Variants in LRMDA observed in about 807,000 individuals in gnomAD.
LRMDA encodes leucine-rich melanocyte differentiation-associated protein.
Under a neutral mutation model 29.8 loss-of-function variants are expected in LRMDA, and 18 were observed. The observed-to-expected ratio is 0.60, with a 90% CI of 0.42 to 0.90. The LOEUF is 0.90. Ranked by LOEUF, LRMDA falls within the 40% of genes least tolerant of loss-of-function variation. LRMDA has a pLI of 0.00. For missense variants in LRMDA, 273 were observed against 273.9 expected (o/e 1.00, Z 0.02); for synonymous variants, 125 against 109.4 (o/e 1.14, Z -0.89).
At chr10:76,088,954 A>G (rs1849185260) in intron 5 of LRMDA, among the ~76,000 whole-genome samples, 1 of 152,166 alleles carries the variant, frequency 6.6e-6, no homozygotes, top group Non-Finnish European at 1.5e-5. Flanking sequence ...TGAGTATGAC[A>G]ATTCTGTCCG....
chr10:75,898,944 C>T (rs1056620783), intron 2 of LRMDA, among the ~76,000 whole-genome samples: 12 of 152,068 alleles, frequency 7.9e-5, no homozygotes, highest in East Asian at 3.9e-4. Context: ...TTGAAAATGA[C>T]GACATTTCAG....
chr10:75,440,023 G>C (rs1844310020), intron 2 of LRMDA, among the ~76,000 whole-genome samples: 1 of 151,564 alleles, frequency 6.6e-6, no homozygotes, highest in African/African-American at 2.4e-5. Context: ...GCTGGACCCC[G>C]TGAGGGAGCA....
intron 5 of LRMDA, among the ~76,000 whole-genome samples, chr10:76,134,706 G>T (rs1353646660): frequency 6.6e-6 from 1 of 152,100 alleles, no homozygotes; most frequent in Non-Finnish European, 1.5e-5. Flanking sequence ...TGACCCAACA[G>T]ATTCCTTAGT....
intron 5 of LRMDA, among the ~76,000 whole-genome samples, chr10:76,112,501 C>T (rs1176561288): frequency 6.6e-6 from 1 of 152,198 alleles, no homozygotes; most frequent in Non-Finnish European, 1.5e-5. Flanking sequence ...GGGAGGGGGG[C>T]GCTTCCACGC....
intron 5 of LRMDA, among the ~76,000 whole-genome samples, chr10:76,121,716 C>G (rs926469015): frequency 2.0e-5 from 3 of 152,202 alleles, no homozygotes; most frequent in African/African-American, 7.2e-5. Flanking sequence ...TAGATTCAGT[C>G]CTCCTCCATG....
At chr10:76,416,133 G>T (rs1842011918) in intron 6 of LRMDA, among the ~76,000 whole-genome samples, 1 of 152,130 alleles carries the variant, frequency 6.6e-6, no homozygotes, top group Non-Finnish European at 1.5e-5. Flanking sequence ...CCAAATCGTG[G>T]CAGAACCTGA....
intron 5 of LRMDA, among the ~76,000 whole-genome samples, chr10:76,243,810 GC>G (rs1202084463): frequency 1.3e-5 from 2 of 152,064 alleles, no homozygotes; most frequent in African/African-American, 2.4e-5. Flanking sequence ...TTGAGTGGTA[GC>G]CCCCCCAAAA....
At chr10:75,666,322 A>G (rs1025221869) in intron 2 of LRMDA, among the ~76,000 whole-genome samples, 32 of 152,232 alleles carry the variant, frequency 2.1e-4, no homozygotes, top group African/African-American at 7.2e-4. Flanking sequence ...CTTAGTGTCA[A>G]GTCACTAACT....
At chr10:76,434,616 T>C (rs1372908450) in intron 6 of LRMDA, among the ~76,000 whole-genome samples, 2 of 152,168 alleles carry the variant, frequency 1.3e-5, no homozygotes, top group Non-Finnish European at 2.9e-5. Flanking sequence ...TGTCCATCCA[T>C]CCATTCATTC....
rs3998122 is a variant in LRMDA at position 76,353,330 on chromosome 10, TTGTG to T, written c.601+28874_601+28877del. Among the ~76,000 whole-genome samples the T allele has an allele frequency of 1.7e-4, 25 of 146,268 alleles. No individual in the cohort carries two copies. The East Asian group carries it at 2.1e-3, about 12-fold the overall frequency. On this transcript the variant is annotated intron_variant, in intron 6 of 6. Coordinates refer to ENST00000611255, the MANE Select transcript of LRMDA (RefSeq NM_001305581.2). ...ATTTGCAATTCTCTGAGCTGTGGAG[TTGTG>T]TGTGTGTGTGTGTGTGTGTGTGTGT... is the stretch of plus-strand genomic sequence containing the variant.
At chr10:76,203,390 C>T (rs964861642) in intron 5 of LRMDA, among the ~76,000 whole-genome samples, 1 of 152,210 alleles carries the variant, frequency 6.6e-6, no homozygotes, top group African/African-American at 2.4e-5. Flanking sequence ...GATCCTCCTG[C>T]CTTGGTCTCC....
At chr10:75,740,467 G>A (rs776918237) in intron 2 of LRMDA, among the ~76,000 whole-genome samples, 52 of 152,134 alleles carry the variant, frequency 3.4e-4, no homozygotes, top group Non-Finnish European at 6.6e-4. Flanking sequence ...TTAGGGAGAC[G>A]CCAGGAAAGT....
chr10:76,152,333 T>G (rs1850461242), intron 5 of LRMDA, among the ~76,000 whole-genome samples: 1 of 152,210 alleles, frequency 6.6e-6, no homozygotes, highest in Non-Finnish European at 1.5e-5. Context: ...TGATTCTTAT[T>G]GTATCATAAA....
At chr10:76,533,290 G>A (rs763169325) in intron 6 of LRMDA, among the ~76,000 whole-genome samples, 2 of 152,170 alleles carry the variant, frequency 1.3e-5, no homozygotes, top group Non-Finnish European at 2.9e-5. Context: ...TATTGACCAT[G>A]ACAGGCCAAC....
intron 2 of LRMDA, among the ~76,000 whole-genome samples, chr10:75,980,179 A>G (rs549417604): frequency 2.6e-5 from 4 of 152,318 alleles, no homozygotes; most frequent in Admixed American, 1.3e-4. Flanking sequence ...ACAGTTCAGT[A>G]GCCTTGTGGG....
chr10:76,070,237 G>A (rs1848853845), intron 5 of LRMDA, among the ~76,000 whole-genome samples: 1 of 152,208 alleles, frequency 6.6e-6, no homozygotes, highest in Non-Finnish European at 1.5e-5. Context: ...GTGAATGTGA[G>A]GAAGGTAATT....
intron 2 of LRMDA, among the ~76,000 whole-genome samples, chr10:75,784,848 C>A (rs112922970): frequency 1.3e-5 from 2 of 152,208 alleles, no homozygotes; most frequent in Non-Finnish European, 2.9e-5. Context: ...GAGAAACTTG[C>A]CTACTGGAGG....
At chr10:75,557,542 A>G (rs1247933546) in intron 2 of LRMDA, among the ~76,000 whole-genome samples, 7 of 152,142 alleles carry the variant, frequency 4.6e-5, no homozygotes, top group African/African-American at 1.4e-4. Context: ...GGGCAAGATA[A>G]AGGGAAATGA....
At chr10:75,517,542 AT>A (rs1845305845) in intron 2 of LRMDA, among the ~76,000 whole-genome samples, 1 of 152,124 alleles carries the variant, frequency 6.6e-6, no homozygotes. Flanking sequence ...ATTTTTGCAC[AT>A]TGATTTTGTA....
Sources: allele counts gnomAD v4.1 joint callset (sites outside exome capture counted in the v4.1 genomes callset), GRCh38; gene constraint gnomAD v4.1.1; transcripts MANE v1.5; gene names NCBI Gene and HGNC (gene_info 2026-07-23, HGNC 2026-07-21).